IFI16: variants seen among roughly 807,000 people sequenced by gnomAD.
IFI16 encodes the protein gamma-interferon-inducible protein 16.
In IFI16, 49 loss-of-function variants were observed where a neutral mutation model predicts 68.4. The ratio of observed to expected loss-of-function variants is 0.72; its 90% CI spans 0.57 to 0.91. IFI16 has a LOEUF of 0.91. IFI16 is among the 40% of genes least tolerant of loss of function. The pLI, the probability that IFI16 is intolerant of heterozygous loss-of-function variation, is 0.00. For missense variants in IFI16, 878 were observed against 942.9 expected, an observed-to-expected ratio of 0.93 and a Z score of 0.90; for synonymous variants, 307 against 315.0, an observed-to-expected ratio of 0.97 and a Z score of 0.27.
At chr1:159,004,898 A>G (rs1477555363), upstream of IFI16, among the ~76,000 whole-genome samples, 2 of 152,236 alleles carry the variant, frequency 1.3e-5, no homozygotes, top group African/African-American at 2.4e-5. Context: ...AGTTTTAGAT[A>G]AAATAAGCAA....
At position 159,032,603 on chromosome 1, in the gene IFI16, C is replaced by T. The variant is rs1434520037; in HGVS notation, c.1241C>T (p.Pro414Leu). 1.2e-6 allele frequency: 2 copies of T among 1,612,918 alleles called. No individual in the cohort carries two copies. The highest frequency in any genetic ancestry group is 8.5e-7 in the Non-Finnish European group (1 of 1,179,384). ...LPQEQRQLPY[P>L]SEASTTFPES... ...CAGGAACAGCGTCAGCTTCCATATC[C>T]TTCAGAGGCCAGCACAACCTTCCCT... is the stretch of plus-strand genomic sequence containing the variant. The change falls in exon 7 of 12, where the codon CCT (proline) becomes CTT (leucine). Residue 414 changes from proline to leucine, a missense_variant. Transcript: ENST00000295809.
chr1:159,003,601 T>C (rs1652139152), upstream of IFI16, among the ~76,000 whole-genome samples: 1 of 152,064 alleles, frequency 6.6e-6, no homozygotes, highest in South Asian at 2.1e-4. Flanking sequence ...ACCAAGGCGA[T>C]AGGTATTTGC....
chr1:159,012,947 C>T (rs963225066), intron 1 of IFI16, among the ~76,000 whole-genome samples: 1 of 152,124 alleles, frequency 6.6e-6, no homozygotes, highest in African/African-American at 2.4e-5. Flanking sequence ...AAAATAACTC[C>T]ATTGTCCTGC....
Position 159,032,543 on chromosome 1 carries a change from C to G in IFI16, c.1181C>G (p.Pro394Arg). The G allele has an allele frequency of 6.3e-7, 1 of 1,582,080 alleles. No individual in the cohort carries two copies. Among genetic ancestry groups the G allele is most frequent in the Non-Finnish European group, 8.6e-7 (1 of 1,168,572 alleles). Residue 394 changes from proline to arginine, a missense_variant, in exon 7 of 12, where the codon CCG becomes CGG. This residue lies in a region of IFI16 where 443 missense variants were observed against 421.8 expected (regional missense o/e 1.05). Coordinates refer to ENST00000295809, the MANE Select transcript of IFI16 (RefSeq NM_001376587.1). Reference protein sequence around the residue: ...SFIQIKKKTNPRNNDPKSMKL... With the variant: ...SFIQIKKKTNRRNNDPKSMKL... Reference sequence around the variant, plus strand: ...TTTCAGATAAAGAAAAAAACAAACCCGAGAAACAATGACCCCAAGAGCATG... The same window carrying G: ...TTTCAGATAAAGAAAAAAACAAACCGGAGAAACAATGACCCCAAGAGCATG...
rs1345963332 is a variant in IFI16, at chr1:159,018,324, A to G, written c.645A>G (p.Pro215=). Residue 215 remains proline, a synonymous_variant, in exon 5 of 12, where the codon CCA becomes CCG. Transcript: ENST00000295809. ...TGAAGGTACTGAGTACAACAAAGCC[A>G]TTTGAATATGAGACCCCAGAAATGG... ...VIVKVLSTTK[P]FEYETPEMEK... The G allele has an allele frequency of 1.2e-6, 2 of 1,614,024 alleles. No homozygotes were observed. Among genetic ancestry groups the G allele is most frequent in the Admixed American group, 1.7e-5 (1 of 60,012 alleles).
upstream of IFI16, among the ~76,000 whole-genome samples, chr1:159,006,423 G>T (rs938032038): frequency 3.6e-4 from 55 of 152,138 alleles, no homozygotes; most frequent in African/African-American, 1.2e-3. Flanking sequence ...TGCCGGACAC[G>T]AACTCAAGGT....
At chr1:159,037,918 T>A (rs1324154031) in intron 7 of IFI16, among the ~76,000 whole-genome samples, 1 of 152,176 alleles carries the variant, frequency 6.6e-6, no homozygotes, top group Non-Finnish European at 1.5e-5. Context: ...TTATTGAGGA[T>A]TTATTGGATG....
chr1:159,010,633 G>A (rs561115126), intron 1 of IFI16, among the ~76,000 whole-genome samples: 1 of 152,224 alleles, frequency 6.6e-6, no homozygotes, highest in African/African-American at 2.4e-5. Context: ...AAGAACAAAT[G>A]TACACAGAGT....
intron 6 of IFI16, among the ~76,000 whole-genome samples, chr1:159,022,283 G>A (rs1312260199): frequency 1.3e-5 from 2 of 151,984 alleles, no homozygotes; most frequent in African/African-American, 4.8e-5. Flanking sequence ...CTTTTTGATG[G>A]GATTATTTGT....
At chr1:159,045,950 C>T (rs1291976118) in intron 8 of IFI16, among the ~76,000 whole-genome samples, 2 of 149,528 alleles carry the variant, frequency 1.3e-5, no homozygotes, top group African/African-American at 2.5e-5. Flanking sequence ...TGACTTTACA[C>T]CTTTCATTAT....
intron 10 of IFI16, 40 bp from the exon 11 acceptor site, chr1:159,053,493 G>T: frequency 7.2e-7 from 1 of 1,391,642 alleles, no homozygotes; most frequent in Non-Finnish European, 1.0e-6. Flanking sequence ...GAAAATTATT[G>T]ATCCAGTTTC....
intron 1 of IFI16, among the ~76,000 whole-genome samples, chr1:159,010,681 A>G (rs1018215964): frequency 6.6e-6 from 1 of 152,238 alleles, no homozygotes; most frequent in African/African-American, 2.4e-5. Context: ...CAGTTACTCA[A>G]GCACATGGTG....
chr1:159,015,061 A>G (rs1423361451), intron 2 of IFI16, 116 bp downstream of exon 2: 5 of 971,070 alleles, frequency 5.1e-6, no homozygotes, highest in Non-Finnish European at 7.8e-6. Flanking sequence ...TTGTGACTCA[A>G]CAGCTGAGAC....
intron 6 of IFI16, among the ~76,000 whole-genome samples, chr1:159,025,759 A>G (rs965313319): frequency 1.3e-5 from 2 of 152,312 alleles, no homozygotes; most frequent in African/African-American, 2.4e-5. Context: ...GCCACTCTCT[A>G]GAAGGTTTTT....
At chr1:159,030,041 C>G (rs559511612) in intron 6 of IFI16, among the ~76,000 whole-genome samples, 19 of 152,236 alleles carry the variant, frequency 1.2e-4, no homozygotes, top group African/African-American at 4.6e-4. Flanking sequence ...AATTCACAAG[C>G]CTTGTCTTCA....
chr1:159,006,834 C>G (rs1652278292), upstream of IFI16, among the ~76,000 whole-genome samples: 1 of 152,100 alleles, frequency 6.6e-6, no homozygotes, highest in South Asian at 2.1e-4. Context: ...AACAAACAAA[C>G]AAACAAAAAG....
At chr1:159,030,421 A>T (rs992076727) in intron 6 of IFI16, among the ~76,000 whole-genome samples, 11 of 152,118 alleles carry the variant, frequency 7.2e-5, no homozygotes, top group African/African-American at 2.7e-4. Context: ...TCATTTGGGT[A>T]CACTATATCA....
rs200677144 is a variant in IFI16 at position 159,053,735 on chromosome 1, T to C, written c.2277+11T>C. ...CATAGTCACATCAAGGTTGGAACTT[T>C]ATAGGAACATCATTTTTCCAAGTGG... is the stretch of plus-strand genomic sequence containing the variant. On this transcript the variant is annotated intron_variant, in intron 11 of 11. Coordinates refer to ENST00000295809, the MANE Select transcript of IFI16 (RefSeq NM_001376587.1). The C allele has an allele frequency of 2.2e-4, 350 of 1,599,740 alleles. 1 individual carries two copies. In the East Asian group the frequency reaches 3.6e-3, roughly 17 times the overall value.
intron 4 of IFI16, 104 bp downstream of exon 4, chr1:159,016,804 C>A (rs73021861): frequency 9.9e-7 from 1 of 1,011,660 alleles, no homozygotes; most frequent in Non-Finnish European, 1.5e-6. Context: ...GCTAGTTAAT[C>A]CAATGTACAT....
Sources: gnomAD v4.1 joint callset for allele counts (sites outside exome capture counted in the v4.1 genomes callset) on GRCh38, gnomAD v4.1.1 for gene constraint, gnomAD v4.1.1 regional missense constraint, MANE v1.5 for transcripts, NCBI Gene and HGNC (gene_info 2026-07-23, HGNC 2026-07-21) for gene names.